PRKCB: variants seen among roughly 807,000 people sequenced by gnomAD.
PRKCB encodes protein kinase C beta type.
In PRKCB, 13 loss-of-function variants were observed where a neutral mutation model predicts 81.5. The observed-to-expected ratio is 0.16, with a 90% CI of 0.10 to 0.25. The LOEUF (loss-of-function observed/expected upper bound fraction) is 0.25. Ranked by LOEUF, PRKCB falls within the 10% of genes least tolerant of loss-of-function variation. The pLI, the probability that PRKCB is intolerant of heterozygous loss-of-function variation, is 1.00. For synonymous variants in PRKCB, 335 were observed against 321.4 expected (o/e 1.04, Z -0.45); for missense variants, 509 against 875.7 (o/e 0.58, Z 5.29).
intron 2 of PRKCB, among the ~76,000 whole-genome samples, chr16:23,913,395 A>C (rs549690968): frequency 1.2e-3 from 185 of 152,048 alleles, no homozygotes; most frequent in Non-Finnish European, 1.3e-3. Context: ...ATAGAGTCCC[A>C]GTGCCATGGG....
At chr16:23,957,442 A>C (rs1391748929) in intron 2 of PRKCB, among the ~76,000 whole-genome samples, 1 of 152,198 alleles carries the variant, frequency 6.6e-6, no homozygotes, top group African/African-American at 2.4e-5. Context: ...GTTTTGAGAA[A>C]GTTGAGTACC....
At chr16:24,076,906 G>C (rs1209115471) in intron 5 of PRKCB, among the ~76,000 whole-genome samples, 2 of 152,146 alleles carry the variant, frequency 1.3e-5, no homozygotes, top group African/African-American at 4.8e-5. Context: ...ATTTGTATTT[G>C]CATCTCAGTG....
chr16:24,069,666 A>G (rs1390816277), intron 5 of PRKCB, among the ~76,000 whole-genome samples: 1 of 152,246 alleles, frequency 6.6e-6, no homozygotes, highest in South Asian at 2.1e-4. Context: ...CTTGAACCCC[A>G]AAGGTTGAGG....
At chr16:23,947,181 G>T (rs986751100) in intron 2 of PRKCB, among the ~76,000 whole-genome samples, 1 of 152,108 alleles carries the variant, frequency 6.6e-6, no homozygotes, top group African/African-American at 2.4e-5. Context: ...GAGTAGCAAG[G>T]GGCTAAGGGA....
chr16:24,181,922 G>C (rs1390274620), intron 13 of PRKCB, among the ~76,000 whole-genome samples: 1 of 151,964 alleles, frequency 6.6e-6, no homozygotes, highest in Non-Finnish European at 1.5e-5. Flanking sequence ...TATAACACTG[G>C]TTACCTCTGA....
At chr16:24,148,456 C>A (rs1401032625) in intron 9 of PRKCB, among the ~76,000 whole-genome samples, 3 of 152,082 alleles carry the variant, frequency 2.0e-5, no homozygotes, top group African/African-American at 7.2e-5. Flanking sequence ...ACATCCTAGA[C>A]CCTAAATTAA....
In PRKCB at chr16:24,160,306, A is replaced by G. The variant is rs115180908; in HGVS notation, c.1239+5449A>G. On this transcript the variant is annotated intron_variant, in intron 10 of 16. Coordinates refer to ENST00000643927, the MANE Select transcript of PRKCB (RefSeq NM_002738.7). ...GAATGATTATTAAAATTTAGGGAGCACTGCATATACATGAGGCAAGCCATT... is the reference window on the plus strand; with the variant it reads ...GAATGATTATTAAAATTTAGGGAGCGCTGCATATACATGAGGCAAGCCATT... Among the ~76,000 whole-genome samples, 851 of 151,912 alleles carry G rather than the reference A, an allele frequency of 5.6e-3. 6 individuals carry two copies. Among genetic ancestry groups the G allele is most frequent in the African/African-American group, 0.019 (794 of 41,408 alleles).
intron 12 of PRKCB, among the ~76,000 whole-genome samples, chr16:24,179,956 T>G (rs1022349323): frequency 6.6e-6 from 1 of 152,158 alleles, no homozygotes; most frequent in Non-Finnish European, 1.5e-5. Flanking sequence ...AACATTTTTT[T>G]TTTTTCAAGA....
intron 2 of PRKCB, among the ~76,000 whole-genome samples, chr16:23,839,473 G>A (rs1473132827): frequency 6.6e-6 from 1 of 152,066 alleles, no homozygotes; most frequent in Admixed American, 6.6e-5. Flanking sequence ...AAGGGGTCTT[G>A]TGATGTTGCA....
rs1371578037 is a variant in PRKCB at position 24,220,373 on chromosome 16, A to G, written c.*5557A>G. On this transcript the variant is annotated 3_prime_UTR_variant, in exon 17 of 17. Transcript: ENST00000643927. ...CAGAAACTCATCAAATGAACAGACA[A>G]TGTCAAAACTACTGTGTCTGATACC... is the stretch of plus-strand genomic sequence containing the variant. 3 of 325,334 alleles carry G rather than the reference A, an allele frequency of 9.2e-6. No homozygotes were observed. Among genetic ancestry groups the G allele is most frequent in the Non-Finnish European group, 1.7e-5 (3 of 178,594 alleles). The allele number at this position is 325,334 out of a possible 1,614,324, so 20.2% of individuals were successfully genotyped here.
chr16:23,980,385 A>C (rs1394286359), intron 2 of PRKCB, among the ~76,000 whole-genome samples: 1 of 152,170 alleles, frequency 6.6e-6, no homozygotes, highest in African/African-American at 2.4e-5. Context: ...TGGTTCTCCC[A>C]GCAGCTGTAG....
intron 7 of PRKCB, among the ~76,000 whole-genome samples, chr16:24,106,804 C>G (rs931658027): frequency 2.6e-5 from 4 of 151,942 alleles, no homozygotes; most frequent in African/African-American, 9.7e-5. Flanking sequence ...TGCATATTGC[C>G]ATTTGTTTAT....
At chr16:23,972,193 G>A (rs1964565996) in intron 2 of PRKCB, among the ~76,000 whole-genome samples, 1 of 152,170 alleles carries the variant, frequency 6.6e-6, no homozygotes, top group Non-Finnish European at 1.5e-5. Context: ...ACAAAATAGT[G>A]CATACTGTAC....
intron 7 of PRKCB, among the ~76,000 whole-genome samples, chr16:24,103,800 T>C (rs1048908708): frequency 2.0e-5 from 3 of 152,178 alleles, no homozygotes; most frequent in African/African-American, 7.2e-5. Flanking sequence ...CAATGTATTA[T>C]AAGGTCCAGA....
In PRKCB at chr16:24,005,185, T is replaced by C. The variant is rs558603873; in HGVS notation, c.288+16595T>C. On this transcript the variant is annotated intron_variant, in intron 3 of 16. Transcript: ENST00000643927. Reference sequence around the variant, plus strand: ...TAATAAAAAGTCACAGTGATTAAAATGCCATTGGCCTGGAAATGCAGTCAT... The same window carrying C: ...TAATAAAAAGTCACAGTGATTAAAACGCCATTGGCCTGGAAATGCAGTCAT... 8.0e-4 allele frequency among the ~76,000 whole-genome samples: 121 copies of C among 151,178 alleles called. 1 individual carries two copies. Among genetic ancestry groups the C allele is most frequent in the Non-Finnish European group, 1.5e-3 (102 of 67,866 alleles).
intron 3 of PRKCB, among the ~76,000 whole-genome samples, chr16:24,013,859 C>T (rs532027761): frequency 1.3e-5 from 2 of 151,492 alleles, no homozygotes; most frequent in South Asian, 2.1e-4. Context: ...CTTGTCTATG[C>T]GGGCCTGCTG....
intron 2 of PRKCB, among the ~76,000 whole-genome samples, chr16:23,970,159 G>A (rs1964538265): frequency 6.6e-6 from 1 of 152,254 alleles, no homozygotes; most frequent in Non-Finnish European, 1.5e-5. Context: ...GCTGAGTTAA[G>A]AGACTGCAGG....
At chr16:23,861,460 C>T (rs942898948) in intron 2 of PRKCB, among the ~76,000 whole-genome samples, 5 of 152,200 alleles carry the variant, frequency 3.3e-5, no homozygotes, top group African/African-American at 1.2e-4. Flanking sequence ...AGCCACCATG[C>T]CTGACCTGCT....
At chr16:24,191,468 G>A (rs1235604922) in intron 16 of PRKCB, 4 of 418,984 alleles carry the variant, frequency 9.5e-6, no homozygotes, top group South Asian at 4.7e-5. Context: ...TTGTTTCTTC[G>A]ATTCAATTAT....
Sources: allele counts gnomAD v4.1 joint callset (sites outside exome capture counted in the v4.1 genomes callset), GRCh38; gene constraint gnomAD v4.1.1; transcripts MANE v1.5; gene names NCBI Gene and HGNC (gene_info 2026-07-23, HGNC 2026-07-21).